Variants in EMCN observed in about 807,000 individuals in gnomAD.
The protein encoded by EMCN is MUC-14.
Under a neutral mutation model 38.4 loss-of-function variants are expected in EMCN, and 37 were observed. The observed-to-expected ratio is 0.96, with a 90% CI of 0.74 to 1.27. The LOEUF is 1.27. Among genes scored for constraint, EMCN ranks in the 50% most tolerant of loss-of-function variants. The probability of loss-of-function intolerance (pLI) is 0.00; values close to 1 mark genes in which losing one functional copy is unlikely to be tolerated. For missense variants in EMCN, 318 were observed against 302.8 expected, an observed-to-expected ratio of 1.05 and a Z score of -0.37; for synonymous variants, 95 against 100.8, an observed-to-expected ratio of 0.94 and a Z score of 0.35.
chr4:100,489,013 C>G (rs139357574), intron 1 of EMCN, among the ~76,000 whole-genome samples: 3,896 of 152,170 alleles, frequency 0.026, 69 homozygotes, highest in Non-Finnish European at 0.041. Flanking sequence ...TTATTTGATT[C>G]TAATAACAAT....
intron 5 of EMCN, among the ~76,000 whole-genome samples, chr4:100,439,127 A>G (rs548643207): frequency 5.3e-5 from 8 of 152,088 alleles, no homozygotes; most frequent in Admixed American, 6.5e-5. Context: ...GTCCTTATAA[A>G]ATGTGGTTGG....
chr4:100,514,105 C>T (rs1729695282), intron 1 of EMCN, among the ~76,000 whole-genome samples: 1 of 152,076 alleles, frequency 6.6e-6, no homozygotes, highest in South Asian at 2.1e-4. Context: ...ATTCACCTCT[C>T]AACATCACCT....
chr4:100,403,945 A>G (rs1462736838), intron 11 of EMCN, among the ~76,000 whole-genome samples: 1 of 151,900 alleles, frequency 6.6e-6, no homozygotes, highest in African/African-American at 2.4e-5. Flanking sequence ...CATTTGTTTA[A>G]GTTCCTTATA....
At chr4:100,435,502 C>T (rs775170796) in intron 5 of EMCN, among the ~76,000 whole-genome samples, 1 of 152,068 alleles carries the variant, frequency 6.6e-6, no homozygotes, top group Non-Finnish European at 1.5e-5. Context: ...TATTGACATT[C>T]TTCATAGAAT....
chr4:100,465,187 T>G (rs1269461730), intron 4 of EMCN, among the ~76,000 whole-genome samples: 1 of 152,170 alleles, frequency 6.6e-6, no homozygotes, highest in Non-Finnish European at 1.5e-5. Context: ...GGTAATATCA[T>G]AGATTACTGC....
At chr4:100,416,093 T>C in intron 9 of EMCN, 134 bp from the exon 10 acceptor site, 1 of 396,394 alleles carries the variant, frequency 2.5e-6, no homozygotes, top group Non-Finnish European at 4.5e-6. Context: ...TATATATACG[T>C]GTGTGTGTGT....
chr4:100,492,554 T>A (rs1167964901), intron 1 of EMCN, among the ~76,000 whole-genome samples: 1 of 152,076 alleles, frequency 6.6e-6, no homozygotes, highest in Non-Finnish European at 1.5e-5. Context: ...ATACAGGAAG[T>A]GCAGATGTCT....
chr4:100,450,843 T>G (rs1326355321), intron 4 of EMCN, among the ~76,000 whole-genome samples: 2 of 151,890 alleles, frequency 1.3e-5, no homozygotes, highest in African/African-American at 4.8e-5. Context: ...GATAAATTAG[T>G]GTTTTCTAAA....
intron 1 of EMCN, among the ~76,000 whole-genome samples, chr4:100,496,464 G>T (rs1729209620): frequency 6.6e-6 from 1 of 152,048 alleles, no homozygotes; most frequent in East Asian, 1.9e-4. Flanking sequence ...GCACCTTTAT[G>T]AGTTTTTTCA....
rs751400853 is a variant in EMCN, at chr4:100,465,442, T to C, written c.357A>G (p.Leu119=). The change falls in exon 4 of 12, where the codon TTA becomes TTG. Residue 119 remains leucine, a synonymous_variant. Coordinates refer to ENST00000296420, the MANE Select transcript of EMCN (RefSeq NM_016242.4). ...ACTTACTCTTGGGTTTGGAACTTTG[T>C]AATGTTGAAACAGCATTTGGAAGTG... The part of the protein sequence containing the change: ...SVTLPNAVST[L]QSSKPKTETQ... 1.2e-6 allele frequency: 2 copies of C among 1,603,414 alleles called. No individual in the cohort carries two copies. Among genetic ancestry groups the C allele is most frequent in the Non-Finnish European group, 1.7e-6 (2 of 1,172,472 alleles).
intron 3 of EMCN, among the ~76,000 whole-genome samples, chr4:100,471,644 C>A (rs1728480456): frequency 6.6e-6 from 1 of 151,770 alleles, no homozygotes; most frequent in African/African-American, 2.4e-5. Context: ...AAGAAAACTA[C>A]AAACATATAT....
chr4:100,472,373 A>G (rs1728501084), intron 3 of EMCN, among the ~76,000 whole-genome samples: 1 of 151,922 alleles, frequency 6.6e-6, no homozygotes, highest in Non-Finnish European at 1.5e-5. Flanking sequence ...AATTTTATTA[A>G]AAGTGAATAA....
Position 100,465,544 on chromosome 4 carries a change from A to G in EMCN, c.260-5T>C, listed in dbSNP as rs1300053384. 4.5e-6 allele frequency: 7 copies of G among 1,543,004 alleles called. No homozygotes were observed. The highest frequency in any genetic ancestry group is 1.4e-5 in the African/African-American group (1 of 73,274). ...CAGTGGTTGTGGCTTTCAATCCTAT[A>G]AAAAGAATGAACAGTCATCAGGAGT... On this transcript the variant is annotated splice_polypyrimidine_tract_variant and splice_region_variant and intron_variant, in intron 3 of 11. Transcript: ENST00000296420.
intron 1 of EMCN, among the ~76,000 whole-genome samples, chr4:100,509,372 A>G (rs1729565563): frequency 6.6e-6 from 1 of 152,236 alleles, no homozygotes; most frequent in Non-Finnish European, 1.5e-5. Flanking sequence ...CAATAATGCA[A>G]TTAGTTAATA....
chr4:100,516,334 A>C (rs1335134372), intron 1 of EMCN, among the ~76,000 whole-genome samples: 1 of 152,088 alleles, frequency 6.6e-6, no homozygotes, highest in Non-Finnish European at 1.5e-5. Context: ...CGAATGATCT[A>C]TTCAGAGTTT....
chr4:100,415,663 T>C (rs1212362558), intron 10 of EMCN, among the ~76,000 whole-genome samples: 1 of 152,192 alleles, frequency 6.6e-6, no homozygotes, highest in Non-Finnish European at 1.5e-5. Context: ...TCCAGCCATC[T>C]ACACATCCAC....
chr4:100,517,731 C>A, intron 1 of EMCN, 120 bp downstream of exon 1: 1 of 889,522 alleles, frequency 1.1e-6, no homozygotes. Flanking sequence ...AAACACTCAA[C>A]TCATCAAAGG....
rs574039510 is a variant in EMCN, at chr4:100,417,127, C to T, written c.679G>A (p.Gly227Arg). 6 of 1,613,650 alleles carry T rather than the reference C, an allele frequency of 3.7e-6. No homozygotes were observed. The South Asian group carries it at 4.4e-5, about 12-fold the overall frequency. ...TATGGGCTTACTTACTGATCATTTCCATTTTCTGGTGTGCCTAGGAGAAGA... is the reference window on the plus strand; with the variant it reads ...TATGGGCTTACTTACTGATCATTTCTATTTTCTGGTGTGCCTAGGAGAAGA... ...WKADPGTPEN[G>R]NDQPQSDKES... The change falls in exon 9 of 12, where the codon GGA becomes AGA. Residue 227 changes from glycine (G) to arginine (R), a missense_variant. Transcript: ENST00000296420.
In EMCN at chr4:100,425,203, A is replaced by G. The variant is rs187746745; in HGVS notation, c.416-1799T>C. Among the ~76,000 whole-genome samples, 344 of 145,264 alleles carry G rather than the reference A, an allele frequency of 2.4e-3. 1 individual carries two copies. The highest frequency in any genetic ancestry group is 8.5e-3 in the African/African-American group (330 of 38,898). ...CACACACAATTACTGCTCATGATCCAATAATGGGAATTAACCTACAGTTTG... is the reference window on the plus strand; with the variant it reads ...CACACACAATTACTGCTCATGATCCGATAATGGGAATTAACCTACAGTTTG... On this transcript the variant is annotated intron_variant, in intron 5 of 11. Transcript: ENST00000296420.
Sources: allele counts gnomAD v4.1 joint callset (sites outside exome capture counted in the v4.1 genomes callset), GRCh38; gene constraint gnomAD v4.1.1; transcripts MANE v1.5; gene names NCBI Gene and HGNC (gene_info 2026-07-23, HGNC 2026-07-21).